Variants in BBX observed in about 807,000 individuals in gnomAD.
BBX encodes the protein BBX high mobility group box domain containing, also known as HMG box transcription factor BBX.
A neutral mutation model predicts 100.2 loss-of-function variants in BBX; 30 were observed. That is an observed-to-expected ratio of 0.30 (90% CI 0.22 to 0.41). The LOEUF (loss-of-function observed/expected upper bound fraction) is 0.41, where lower values mean the gene tolerates loss of function less well. Among genes scored for constraint, BBX ranks in the 10% least tolerant of loss-of-function variants. The probability of loss-of-function intolerance (pLI) is 1.00; values close to 1 mark genes in which losing one functional copy is unlikely to be tolerated. For missense variants in BBX, 1,023 were observed against 1,129.8 expected (o/e 0.91, Z 1.35); for synonymous variants, 376 against 388.1 (o/e 0.97, Z 0.37).
rs1278020520 is a variant in BBX, at chr3:107,525,123, C to T, written c.-155-1204C>T. On this transcript the variant is annotated intron_variant, in intron 1 of 17. Coordinates refer to ENST00000325805, the MANE Select transcript of BBX (RefSeq NM_001142568.3). The stretch of plus-strand genomic sequence containing the variant: ...CCTCTGCTCGCGCGACTTTTGTAGG[C>T]AGCCAGCGGCCCAGGGGCGCCGGGG... Among the ~76,000 whole-genome samples, 94 of 149,050 alleles carry T rather than the reference C, an allele frequency of 6.3e-4. 5 individuals are homozygous for T. The highest frequency in any genetic ancestry group is 6.3e-3 in the Admixed American group (94 of 15,016).
chr3:107,628,022 A>C (rs1016485713), intron 2 of BBX, among the ~76,000 whole-genome samples: 2 of 152,098 alleles, frequency 1.3e-5, no homozygotes, highest in Non-Finnish European at 2.9e-5. Context: ...GTTATTTGTG[A>C]ATGAAATTAA....
chr3:107,623,114 C>G (rs1412447928), intron 2 of BBX, among the ~76,000 whole-genome samples: 1 of 152,110 alleles, frequency 6.6e-6, no homozygotes, highest in African/African-American at 2.4e-5. Context: ...TCTCTGCCAT[C>G]GACGCAGTGC....
At position 107,584,096 on chromosome 3, in the gene BBX, T is replaced by A. The variant is rs839984; in HGVS notation, c.-84+57698T>A. ...TATATATATTATATATATCATATAT[T>A]ATATATATTATATATTATATATAAT... On this transcript the variant is annotated intron_variant, in intron 2 of 17. Transcript: ENST00000325805. Among the ~76,000 whole-genome samples the A allele has an allele frequency of 6.9e-3, 61 of 8,876 alleles. 1 individual carries two copies. The highest frequency in any genetic ancestry group is 0.01 in the Non-Finnish European group (36 of 3,544). The allele number at this position is 8,876 out of a possible 152,430, so 5.8% of individuals were successfully genotyped here.
Position 107,710,578 on chromosome 3 carries a change from T to G in BBX, c.118T>G (p.Ser40Ala). ...PLLAKKLLDF[S>A]EEEEEEDEEE... ...GCTAGCAAAGAAACTTCTTGATTTT[T>G]CAGAAGAGGAAGAAGAGGAAGACGA... The change falls in exon 4 of 18, where the codon TCA (serine) becomes GCA (alanine). Residue 40 changes from serine to alanine, a missense_variant. Ser to Ala is a moderately conservative substitution (Grantham distance 99, BLOSUM62 1). Around this residue, in one of 9 missense-constraint regions of BBX, gnomAD observed 229 missense variants for 226.3 expected, o/e 1.01. Transcript: ENST00000325805. 6.2e-7 allele frequency: 1 copy of G among 1,613,890 alleles called. No individual in the cohort carries two copies.
intron 3 of BBX, among the ~76,000 whole-genome samples, chr3:107,650,569 C>T (rs2057782885): frequency 6.6e-6 from 1 of 152,096 alleles, no homozygotes; most frequent in South Asian, 2.1e-4. Context: ...TATGCTTTTT[C>T]TAAAATGACT....
intron 10 of BBX, 50 bp downstream of exon 10, chr3:107,755,728 C>T (rs1441889922): frequency 3.4e-6 from 5 of 1,452,500 alleles, no homozygotes; most frequent in African/African-American, 1.4e-5. Context: ...GTGGAAATTA[C>T]AAAATATTCT....
intron 2 of BBX, among the ~76,000 whole-genome samples, chr3:107,587,752 G>A (rs1559845321): frequency 6.6e-6 from 1 of 152,142 alleles, no homozygotes; most frequent in African/African-American, 2.4e-5. Context: ...TTGCAGGCTC[G>A]AGGCTCTTTT....
intron 3 of BBX, among the ~76,000 whole-genome samples, chr3:107,709,889 T>A (rs1266247760): frequency 6.6e-6 from 1 of 152,284 alleles, no homozygotes; most frequent in Non-Finnish European, 1.5e-5. Flanking sequence ...CTTAGCCAAC[T>A]GCCCAAATCT....
chr3:107,633,167 G>A (rs917206816), intron 2 of BBX, among the ~76,000 whole-genome samples: 2 of 151,932 alleles, frequency 1.3e-5, no homozygotes, highest in Non-Finnish European at 2.9e-5. Context: ...TAATAGATTT[G>A]AATGTTTCTA....
intron 2 of BBX, among the ~76,000 whole-genome samples, chr3:107,613,645 G>C (rs1219745268): frequency 6.6e-6 from 1 of 151,740 alleles, no homozygotes; most frequent in Non-Finnish European, 1.5e-5. Flanking sequence ...TAGGATATCA[G>C]GGGAAAAAAC....
intron 10 of BBX, among the ~76,000 whole-genome samples, chr3:107,761,634 G>A (rs1352501185): frequency 2.0e-5 from 3 of 152,274 alleles, no homozygotes; most frequent in Admixed American, 6.5e-5. Flanking sequence ...ACCCTGCTTC[G>A]GGAAGGCTGG....
intron 2 of BBX, among the ~76,000 whole-genome samples, chr3:107,575,017 T>C (rs2107529231): frequency 6.6e-6 from 1 of 152,270 alleles, no homozygotes; most frequent in East Asian, 1.9e-4. Flanking sequence ...AAGAATCACA[T>C]AAACCCACAA....
At chr3:107,800,981 G>A in intron 16 of BBX, 114 bp from the exon 17 acceptor site, 3 of 985,926 alleles carry the variant, frequency 3.0e-6, no homozygotes, top group Non-Finnish European at 3.0e-6. Flanking sequence ...GATAGCAAAA[G>A]TGAATGGTAG....
intron 2 of BBX, among the ~76,000 whole-genome samples, chr3:107,547,075 T>A (rs1576256001): frequency 6.6e-6 from 1 of 152,350 alleles, no homozygotes; most frequent in East Asian, 1.9e-4. Flanking sequence ...GTAACAGTTA[T>A]CTAAACAAGT....
intron 3 of BBX, among the ~76,000 whole-genome samples, chr3:107,660,029 A>C: frequency 6.6e-6 from 1 of 152,158 alleles, no homozygotes; most frequent in East Asian, 1.9e-4. Flanking sequence ...GAGGTTCAGG[A>C]AAATCCTCAA....
chr3:107,625,551 T>C (rs376311973), intron 2 of BBX, among the ~76,000 whole-genome samples: 1 of 152,368 alleles, frequency 6.6e-6, no homozygotes. Flanking sequence ...CCCAAAGTGC[T>C]GTGATTACAG....
chr3:107,771,515 CTAAG>C (rs1445179181), intron 10 of BBX, among the ~76,000 whole-genome samples: 1 of 152,102 alleles, frequency 6.6e-6, no homozygotes, highest in Non-Finnish European at 1.5e-5. Context: ...ACATATTACA[CTAAG>C]TAACTTCCCC....
chr3:107,684,983 T>C (rs1438031787), intron 3 of BBX, among the ~76,000 whole-genome samples: 1 of 152,154 alleles, frequency 6.6e-6, no homozygotes, highest in Admixed American at 6.5e-5. Context: ...TTTTAGAAAG[T>C]AGAGTTGGTT....
At chr3:107,603,131 T>C (rs2054178396) in intron 2 of BBX, among the ~76,000 whole-genome samples, 1 of 151,066 alleles carries the variant, frequency 6.6e-6, no homozygotes, top group South Asian at 2.1e-4. Flanking sequence ...GCCTGGCTAA[T>C]TTTTTTTTGT....
Sources: allele counts gnomAD v4.1 joint callset (sites outside exome capture counted in the v4.1 genomes callset), GRCh38; gene constraint gnomAD v4.1.1; regional missense constraint gnomAD v4.1.1; transcripts MANE v1.5; gene names NCBI Gene and HGNC (gene_info 2026-07-23, HGNC 2026-07-21).